CDKN3: variants seen among roughly 807,000 people sequenced by gnomAD.
The protein encoded by CDKN3 is cyclin dependent kinase inhibitor 3.
CDKN3 carries 19 observed loss-of-function variants against 36.1 expected under a neutral mutation model. The ratio of observed to expected loss-of-function variants is 0.53; its 90% CI spans 0.37 to 0.77. The LOEUF is 0.77. CDKN3 is among the 30% of genes least tolerant of loss of function. The pLI, the probability that CDKN3 is intolerant of heterozygous loss-of-function variation, is 0.00. For synonymous variants in CDKN3, 71 were observed against 85.3 expected (o/e 0.83, Z 0.92); for missense variants, 188 against 248.6 (o/e 0.76, Z 1.64).
chr14:54,397,010 G>C lies in CDKN3; in HGVS notation c.-59G>C. The C allele has an allele frequency of 1.5e-5, 21 of 1,434,968 alleles. 1 individual carries two copies. The highest frequency in any genetic ancestry group is 1.8e-5 in the Non-Finnish European group (20 of 1,090,604). 88.9% of individuals were successfully genotyped at this position (1,434,968 alleles called of 1,614,324 possible). On this transcript the variant is annotated 5_prime_UTR_variant, in exon 1 of 8. Coordinates refer to ENST00000335183, the MANE Select transcript of CDKN3 (RefSeq NM_005192.4). The stretch of plus-strand genomic sequence containing the variant: ...GGGGCGCGGGCTCGGCCGGGGCACC[G>C]GTGAGTCGCCGGCGCTGCAGAGGGA...
At chr14:54,410,709 A>G (rs2139980199) in intron 4 of CDKN3, among the ~76,000 whole-genome samples, 1 of 152,344 alleles carries the variant, frequency 6.6e-6, no homozygotes, top group Middle Eastern at 3.4e-3. Context: ...TACAATACTC[A>G]GAGTCAAGCA....
chr14:54,401,233 CTCT>C (rs368508193), intron 2 of CDKN3, among the ~76,000 whole-genome samples: 5,300 of 152,228 alleles, frequency 0.035, 324 homozygotes, highest in African/African-American at 0.12. Flanking sequence ...CTGCCTTGGC[CTCT>C]CTAAGTGCTG....
chr14:54,417,880 A>T lies in CDKN3; in HGVS notation c.481A>T (p.Thr161Ser). ...AACLLLYLSD[T>S]ISPEQAIDSL... ...TTGTCTCCTACTATACCTGTCTGAC[A>T]CAATATCACCAGAGCAAGCCATAGA... Residue 161 changes from threonine (T) to serine (S), a missense_variant, in exon 7 of 8, where the codon ACA becomes TCA. Thr to Ser is a moderately conservative substitution (Grantham distance 58). Transcript: ENST00000335183. 1 of 1,598,166 alleles carries T rather than the reference A, an allele frequency of 6.3e-7. No homozygotes were observed.
chr14:54,397,019 C>G lies in CDKN3; in HGVS notation c.-50C>G. On this transcript the variant is annotated 5_prime_UTR_variant, in exon 1 of 8. Transcript: ENST00000335183. ...GCTCGGCCGGGGCACCGGTGAGTCG[C>G]CGGCGCTGCAGAGGGAGGCGGCACT... 6.9e-7 allele frequency: 1 copy of G among 1,444,714 alleles called. No individual in the cohort carries two copies. Among genetic ancestry groups the G allele is most frequent in the South Asian group, 1.4e-5 (1 of 71,022 alleles). The allele number at this position is 1,444,714 out of a possible 1,614,324, so 89.5% of individuals were successfully genotyped here.
At chr14:54,405,415 G>A (rs1025625099) in intron 3 of CDKN3, among the ~76,000 whole-genome samples, 1 of 152,142 alleles carries the variant, frequency 6.6e-6, no homozygotes, top group Admixed American at 6.5e-5. Flanking sequence ...CTGTCTCGCT[G>A]ATCTGTCTAA....
At chr14:54,399,117 C>G (rs1010744561) in intron 1 of CDKN3, among the ~76,000 whole-genome samples, 7 of 151,252 alleles carry the variant, frequency 4.6e-5, no homozygotes, top group Admixed American at 1.3e-4. Flanking sequence ...TCCCGAGTAG[C>G]TGGGATTACA....
intron 5 of CDKN3, chr14:54,413,766 C>G (rs4251646): frequency 0.013 from 19,199 of 1,462,942 alleles, 158 homozygotes; most frequent in Non-Finnish European, 0.015. Flanking sequence ...CTCACTGGTT[C>G]TGCCTGGACA....
chr14:54,397,554 G>A (rs1886346047), intron 1 of CDKN3, among the ~76,000 whole-genome samples: 1 of 152,224 alleles, frequency 6.6e-6, no homozygotes, highest in Admixed American at 6.5e-5. Context: ...CATGCCCCAG[G>A]GCCACCTGGC....
At chr14:54,413,910 GA>G (rs1370218026) in intron 5 of CDKN3, 4 of 1,061,266 alleles carry the variant, frequency 3.8e-6, no homozygotes, top group Non-Finnish European at 5.0e-6. Context: ...CCCATTTCTA[GA>G]GGATGTAAGT....
chr14:54,415,905 T>C lies in CDKN3; in HGVS notation c.423T>C (p.Tyr141=), dbSNP rs749909385. 6.2e-7 allele frequency: 1 copy of C among 1,604,960 alleles called. No individual in the cohort carries two copies. The highest frequency in any genetic ancestry group is 1.1e-5 in the South Asian group (1 of 90,766). Residue 141 remains tyrosine, a synonymous_variant, in exon 6 of 8, where the codon TAT becomes TAC. Coordinates refer to ENST00000335183, the MANE Select transcript of CDKN3 (RefSeq NM_005192.4). The part of the protein sequence containing the change: ...KNYRKTLIHC[Y]GGLGRSCLVA... ...AACTGTATTTCCCTTTCAGCTGCTATGGAGGACTTGGGAGATCTTGTCTTG... is the reference window on the plus strand; with the variant it reads ...AACTGTATTTCCCTTTCAGCTGCTACGGAGGACTTGGGAGATCTTGTCTTG...
chr14:54,418,514 T>G (rs2030622824), intron 7 of CDKN3: 5 of 465,130 alleles, frequency 1.1e-5, no homozygotes, highest in Non-Finnish European at 1.5e-5. Flanking sequence ...GCCAAGGATA[T>G]TGCATTAATC....
chr14:54,409,939 C>T (rs1027969731), intron 4 of CDKN3, among the ~76,000 whole-genome samples: 2 of 150,964 alleles, frequency 1.3e-5, no homozygotes, highest in African/African-American at 2.4e-5. Flanking sequence ...GACTTAAAGA[C>T]AGTAATAGAT....
At chr14:54,412,405 C>T (rs994180890) in intron 5 of CDKN3, among the ~76,000 whole-genome samples, 6 of 150,792 alleles carry the variant, frequency 4.0e-5, no homozygotes, top group East Asian at 1.9e-4. Flanking sequence ...TAAAGAAAGT[C>T]GATTTTTTCA....
At position 54,397,420 on chromosome 14, in the gene CDKN3, C is replaced by T. The variant is rs148901498; in HGVS notation, c.9+343C>T. On this transcript the variant is annotated intron_variant, in intron 1 of 7. Transcript: ENST00000335183. ...CCGAGCCGAAGAGCTTGAGTGTCAG[C>T]GATGAGTGGGCGCGATACCCCAGCC... 4.3e-3 allele frequency among the ~76,000 whole-genome samples: 658 copies of T among 152,372 alleles called. 3 individuals carry two copies. Among genetic ancestry groups the T allele is most frequent in the Non-Finnish European group, 5.4e-3 (370 of 68,032 alleles).
intron 4 of CDKN3, among the ~76,000 whole-genome samples, chr14:54,409,816 C>A (rs2030288340): frequency 6.6e-6 from 1 of 150,774 alleles, no homozygotes. Flanking sequence ...CTTGCTCTGT[C>A]ATCCAGGCTG....
At chr14:54,409,054 T>A (rs1015314417) in intron 4 of CDKN3, among the ~76,000 whole-genome samples, 1 of 152,164 alleles carries the variant, frequency 6.6e-6, no homozygotes, top group African/African-American at 2.4e-5. Flanking sequence ...AATGTAGAAG[T>A]TGGCATGAAA....
rs931087305 is a variant in CDKN3, at chr14:54,418,189, T to G, written c.552+238T>G. 3.4e-5 allele frequency: 24 copies of G among 702,594 alleles called. No homozygotes were observed. In the African/African-American group the frequency reaches 3.5e-4, roughly 10 times the overall value. The allele number at this position is 702,594 out of a possible 1,614,324, so 43.5% of individuals were successfully genotyped here. On this transcript the variant is annotated intron_variant, in intron 7 of 7. Coordinates refer to ENST00000335183, the MANE Select transcript of CDKN3 (RefSeq NM_005192.4). ...GATTTCAAACAAGATAATGAAAATT[T>G]GAACTTCCTGGTTTACTTTTCCAGG...
chr14:54,419,879 G>A, intron 7 of CDKN3, 113 bp from the exon 8 acceptor site: 3 of 607,052 alleles, frequency 4.9e-6, no homozygotes, highest in Non-Finnish European at 8.8e-6. Flanking sequence ...CCAAAAAGAT[G>A]TAGAATTGTG....
At chr14:54,401,491 TAACTA>T (rs1193614126) in intron 2 of CDKN3, 28 bp from the exon 3 acceptor site, 2 of 1,508,506 alleles carry the variant, frequency 1.3e-6, no homozygotes, top group Non-Finnish European at 9.2e-7. Context: ...TTTAAAAACT[TAACTA>T]AACATGAAAA....
Sources: allele counts gnomAD v4.1 joint callset (sites outside exome capture counted in the v4.1 genomes callset), GRCh38; gene constraint gnomAD v4.1.1; transcripts MANE v1.5; gene names NCBI Gene and HGNC (gene_info 2026-07-23, HGNC 2026-07-21).